MLLT10: variants seen among roughly 807,000 people sequenced by gnomAD.
MLLT10 encodes MLLT10 histone lysine methyltransferase DOT1L cofactor, also known as protein AF-10.
Under a neutral mutation model 129.1 loss-of-function variants are expected in MLLT10, and 30 were observed. That is an observed-to-expected ratio of 0.23 (90% CI 0.17 to 0.32). The LOEUF (loss-of-function observed/expected upper bound fraction) is 0.32, where lower values mean the gene tolerates loss of function less well. Among genes scored for constraint, MLLT10 ranks in the 10% least tolerant of loss-of-function variants. MLLT10 has a pLI of 1.00. For synonymous variants in MLLT10, 490 were observed against 446.4 expected (o/e 1.10, Z -1.23); for missense variants, 1,119 against 1,268.3 (o/e 0.88, Z 1.79).
At chr10:21,733,663 A>G in intron 19 of MLLT10, 71 bp downstream of exon 19, 1 of 1,470,522 alleles carries the variant, frequency 6.8e-7, no homozygotes, top group Non-Finnish European at 9.0e-7. Context: ...ATGGTTTAAA[A>G]TTATTTTAAA....
chr10:21,595,256 T>A, intron 4 of MLLT10, 75 bp from the exon 5 acceptor site: 1 of 1,006,018 alleles, frequency 9.9e-7, no homozygotes. Context: ...ATTTAAGGGA[T>A]CTGTTAAGGA....
At chr10:21,671,702 T>A (rs1280666296) in intron 10 of MLLT10, among the ~76,000 whole-genome samples, 1 of 152,152 alleles carries the variant, frequency 6.6e-6, no homozygotes, top group Non-Finnish European at 1.5e-5. Context: ...GGAGGATTGC[T>A]TGAGCCCAGG....
chr10:21,698,811 C>G (rs2054612477), intron 13 of MLLT10, among the ~76,000 whole-genome samples: 1 of 152,052 alleles, frequency 6.6e-6, no homozygotes, highest in Admixed American at 6.6e-5. Flanking sequence ...GATTTACATT[C>G]CCCTGATGAT....
chr10:21,556,824 A>T, intron 3 of MLLT10: 6 of 1,559,524 alleles, frequency 3.8e-6, no homozygotes, highest in Non-Finnish European at 5.2e-6. Flanking sequence ...TTCGGTCCTC[A>T]GTCATTTACC....
intron 10 of MLLT10, among the ~76,000 whole-genome samples, chr10:21,672,207 G>GTGTGTGTGTGTGTGTGTGTGTA (rs950414625): frequency 3.3e-5 from 5 of 150,206 alleles, no homozygotes; most frequent in African/African-American, 1.2e-4. Flanking sequence ...GTGTGTGTGT[G>GTGTGTGTGTGTGTGTGTGTGTA]TGTATTTTGA....
intron 10 of MLLT10, among the ~76,000 whole-genome samples, chr10:21,671,883 G>A (rs1403193428): frequency 6.6e-6 from 1 of 152,086 alleles, no homozygotes; most frequent in Non-Finnish European, 1.5e-5. Flanking sequence ...ACCCAGGGAG[G>A]TTGAAGCTAC....
intron 6 of MLLT10, among the ~76,000 whole-genome samples, chr10:21,614,215 T>G (rs1464250233): frequency 8.7e-6 from 1 of 114,762 alleles, no homozygotes; most frequent in African/African-American, 3.5e-5. Context: ...GAAACCCTGT[T>G]TTTTTTTTTC....
chr10:21,664,934 T>TTTTTC, intron 9 of MLLT10, among the ~76,000 whole-genome samples: 3 of 149,408 alleles, frequency 2.0e-5, no homozygotes, highest in Admixed American at 6.7e-5. Flanking sequence ...ATAGGCTTCT[T>TTTTTC]TTTTCTTTTC....
chr10:21,633,796 CA>C (rs2047212051), intron 8 of MLLT10, among the ~76,000 whole-genome samples: 1 of 152,122 alleles, frequency 6.6e-6, no homozygotes, highest in South Asian at 2.1e-4. Flanking sequence ...TATATAGCCA[CA>C]ATGTAATTAG....
intron 5 of MLLT10, among the ~76,000 whole-genome samples, chr10:21,603,813 G>GTTTTTGTT (rs762198833): frequency 6.8e-6 from 1 of 147,050 alleles, no homozygotes; most frequent in East Asian, 1.9e-4. Context: ...GTGGTTGACA[G>GTTTTTGTT]TTTTTGTTTT....
intron 3 of MLLT10, chr10:21,556,935 GGTGGTA>G: frequency 6.5e-7 from 1 of 1,548,280 alleles, no homozygotes; most frequent in Non-Finnish European, 8.7e-7. Flanking sequence ...AAGAAGGAGA[GGTGGTA>G]GTGTTTAAGT....
intron 14 of MLLT10, among the ~76,000 whole-genome samples, chr10:21,722,754 G>A (rs61851875): frequency 2.4e-4 from 36 of 152,190 alleles, no homozygotes; most frequent in Non-Finnish European, 4.6e-4. Flanking sequence ...CAGTCTTTCC[G>A]AAAGACTCAT....
chr10:21,697,191 G>A (rs890513034), intron 13 of MLLT10, among the ~76,000 whole-genome samples: 11 of 152,040 alleles, frequency 7.2e-5, no homozygotes, highest in African/African-American at 2.2e-4. Context: ...AATAGGCCGG[G>A]CATGGTGGCT....
At chr10:21,570,448 A>G (rs2040080670) in intron 3 of MLLT10, among the ~76,000 whole-genome samples, 1 of 152,156 alleles carries the variant, frequency 6.6e-6, no homozygotes, top group South Asian at 2.1e-4. Context: ...ATTTCCATCA[A>G]ATATGTGAAA....
intron 21 of MLLT10, among the ~76,000 whole-genome samples, chr10:21,739,745 A>AC (rs1554880122): frequency 2.6e-5 from 4 of 152,172 alleles, no homozygotes; most frequent in Non-Finnish European, 4.4e-5. Context: ...TCAAATGTCC[A>AC]CCTTGATTTC....
At chr10:21,691,651 A>G (rs978525755) in intron 13 of MLLT10, among the ~76,000 whole-genome samples, 2 of 152,218 alleles carry the variant, frequency 1.3e-5, no homozygotes, top group African/African-American at 4.8e-5. Flanking sequence ...ACAAATCAGC[A>G]TAATAAACAT....
intron 9 of MLLT10, among the ~76,000 whole-genome samples, chr10:21,655,599 T>C (rs900746038): frequency 6.6e-6 from 1 of 152,182 alleles, no homozygotes; most frequent in Non-Finnish European, 1.5e-5. Flanking sequence ...GGTGGATGAC[T>C]AGAGGGCCTG....
chr10:21,573,602 T>G (rs938967390), intron 3 of MLLT10, among the ~76,000 whole-genome samples: 3 of 152,162 alleles, frequency 2.0e-5, no homozygotes, highest in African/African-American at 7.2e-5. Context: ...TATTCTTTTT[T>G]TTTTTTTAGT....
At chr10:21,669,158 T>C (rs2051135164) in intron 9 of MLLT10, 2 of 1,085,304 alleles carry the variant, frequency 1.8e-6, no homozygotes, top group Non-Finnish European at 1.2e-6. Context: ...TTGTGGATTG[T>C]AGTTTGTTAG....
Sources: allele counts gnomAD v4.1 joint callset (sites outside exome capture counted in the v4.1 genomes callset), GRCh38; gene constraint gnomAD v4.1.1; transcripts MANE v1.5; gene names NCBI Gene and HGNC (gene_info 2026-07-23, HGNC 2026-07-21).